The following GLDC variants were observed in gnomAD, a reference collection of about 807,000 sequenced individuals.
GLDC encodes the protein glycine decarboxylase.
In GLDC, 104 loss-of-function variants were observed where a neutral mutation model predicts 121.3. The observed-to-expected ratio is 0.86, with a 90% CI of 0.73 to 1.01. The LOEUF (loss-of-function observed/expected upper bound fraction) is 1.01. Among genes scored for constraint, GLDC ranks in the 50% least tolerant of loss-of-function variants. The pLI, the probability that GLDC is intolerant of heterozygous loss-of-function variation, is 0.00. For missense variants in GLDC, 1,429 were observed against 1,306.6 expected, an observed-to-expected ratio of 1.09 and a Z score of -1.44; for synonymous variants, 546 against 480.6, an observed-to-expected ratio of 1.14 and a Z score of -1.78.
At chr9:6,639,000 C>G in intron 2 of GLDC, 1 of 432,600 alleles carries the variant, frequency 2.3e-6, no homozygotes, top group South Asian at 2.1e-5. Flanking sequence ...CAGAGCGAGA[C>G]TCTGTCTCAG....
chr9:6,609,980 C>A (rs1818817544), intron 4 of GLDC, among the ~76,000 whole-genome samples: 1 of 152,148 alleles, frequency 6.6e-6, no homozygotes, highest in African/African-American at 2.4e-5. Flanking sequence ...TTCCCCAACC[C>A]CAACCAAAAT....
intron 15 of GLDC, among the ~76,000 whole-genome samples, chr9:6,586,475 A>G (rs1195954862): frequency 6.6e-6 from 1 of 152,154 alleles, no homozygotes; most frequent in Non-Finnish European, 1.5e-5. Flanking sequence ...TTTCCTTTAC[A>G]AAGAAATTGA....
intron 2 of GLDC, among the ~76,000 whole-genome samples, chr9:6,621,827 C>CT (rs916217155): frequency 8.5e-5 from 13 of 152,080 alleles, no homozygotes; most frequent in African/African-American, 3.1e-4. Context: ...CTGAAGGGTA[C>CT]TTTTTAGATA....
chr9:6,613,253 T>C (rs1818897611), intron 3 of GLDC, among the ~76,000 whole-genome samples: 1 of 152,206 alleles, frequency 6.6e-6, no homozygotes, highest in Non-Finnish European at 1.5e-5. Context: ...TCACTTAATT[T>C]CCAAACTTTA....
At position 6,588,642 on chromosome 9, in the gene GLDC, G is replaced by A; in HGVS notation, c.1641C>T (p.Ser547=). The A allele has an allele frequency of 6.8e-6, 11 of 1,612,504 alleles. No homozygotes were observed. The highest frequency in any genetic ancestry group is 1.7e-5 in the Admixed American group (1 of 60,000). The change falls in exon 13 of 25, where the codon TCC becomes TCT. Residue 547 remains serine, a synonymous_variant. Transcript: ENST00000321612. ...YMKKLENKDI[S]LVHSMIPLGS... ...CCAGTGGAATCATGCTGTGAACAAG[G>A]GAAATGTCTTTATTTTCCAGTTTCT...
chr9:6,572,261 C>G (rs1817982683), intron 15 of GLDC, among the ~76,000 whole-genome samples: 1 of 152,296 alleles, frequency 6.6e-6, no homozygotes, highest in African/African-American at 2.4e-5. Flanking sequence ...TATCTGCAAA[C>G]TACCATAGCC....
At chr9:6,630,418 G>A (rs1220119236) in intron 2 of GLDC, among the ~76,000 whole-genome samples, 1 of 152,034 alleles carries the variant, frequency 6.6e-6, no homozygotes, top group Non-Finnish European at 1.5e-5. Context: ...AGCCAGCAGC[G>A]CCTCACACAC....
intron 12 of GLDC, 85 bp from the exon 13 acceptor site, chr9:6,588,787 A>G: frequency 1.2e-6 from 1 of 847,252 alleles, no homozygotes; most frequent in Non-Finnish European, 2.1e-6. Context: ...ACACACCGAA[A>G]TCTACTTTCA....
intron 15 of GLDC, among the ~76,000 whole-genome samples, chr9:6,583,418 T>G (rs570819515): frequency 6.6e-6 from 1 of 152,330 alleles, no homozygotes; most frequent in African/African-American, 2.4e-5. Context: ...ATCATGCTTG[T>G]AATCCCAGGA....
In GLDC at chr9:6,533,178, T is replaced by C. The variant is rs775143393; in HGVS notation, c.2920-18A>G. ...ACGAAGGGCTGCAAAGGACAAAAGA[T>C]GGAAATGCTGTGAGATGTTCTGGGA... On this transcript the variant is annotated intron_variant, in intron 24 of 24. Transcript: ENST00000321612. 3.7e-6 allele frequency: 6 copies of C among 1,612,450 alleles called. No homozygotes were observed. Among genetic ancestry groups the C allele is most frequent in the South Asian group, 2.2e-5 (2 of 91,046 alleles).
At chr9:6,637,497 T>C (rs767601794) in intron 2 of GLDC, among the ~76,000 whole-genome samples, 2 of 152,134 alleles carry the variant, frequency 1.3e-5, no homozygotes, top group Non-Finnish European at 2.9e-5. Context: ...TCGCCCAGGC[T>C]GGTGTGCAGT....
At chr9:6,614,032 C>A (rs576184930) in intron 3 of GLDC, among the ~76,000 whole-genome samples, 1 of 151,646 alleles carries the variant, frequency 6.6e-6, no homozygotes, top group African/African-American at 2.4e-5. Flanking sequence ...CCACCCTGGC[C>A]TCCCAAAGTG....
At chr9:6,609,840 C>A (rs1392257933) in intron 4 of GLDC, among the ~76,000 whole-genome samples, 1 of 152,138 alleles carries the variant, frequency 6.6e-6, no homozygotes, top group East Asian at 1.9e-4. Context: ...TTGGCTGCTT[C>A]CCCAAGCCAG....
chr9:6,569,809 C>T (rs1190775072), intron 15 of GLDC, among the ~76,000 whole-genome samples: 1 of 152,030 alleles, frequency 6.6e-6, no homozygotes, highest in Admixed American at 6.6e-5. Flanking sequence ...AACCCTGTCT[C>T]TACTAAAAAT....
chr9:6,643,367 G>C (rs914216006), intron 2 of GLDC, among the ~76,000 whole-genome samples: 1 of 151,280 alleles, frequency 6.6e-6, no homozygotes. Flanking sequence ...GAAGCAGATA[G>C]GCTCCATACC....
At chr9:6,560,502 T>C (rs1381220066) in intron 16 of GLDC, among the ~76,000 whole-genome samples, 1 of 152,232 alleles carries the variant, frequency 6.6e-6, no homozygotes, top group Non-Finnish European at 1.5e-5. Context: ...TTGTAGTTAA[T>C]TTTTTTCTTT....
chr9:6,587,094 T>C (rs1262966828), intron 15 of GLDC, 47 bp downstream of exon 15: 2 of 1,507,068 alleles, frequency 1.3e-6, no homozygotes, highest in Non-Finnish European at 9.2e-7. Context: ...TGGTGTATGC[T>C]ATACAAGAAT....
intron 5 of GLDC, chr9:6,605,728 GGTGGTATGGGTA>G: frequency 3.8e-6 from 1 of 259,766 alleles, no homozygotes; most frequent in South Asian, 4.9e-5. Flanking sequence ...CTGAAGGGAT[GGTGGTATGGGTA>G]GGGGGAAGAA....
intron 3 of GLDC, among the ~76,000 whole-genome samples, chr9:6,612,414 A>G (rs1219529071): frequency 2.6e-5 from 4 of 152,062 alleles, no homozygotes; most frequent in African/African-American, 7.3e-5. Flanking sequence ...GCTTTCAAAA[A>G]AGAAAGAAAG....
Sources: allele counts gnomAD v4.1 joint callset (sites outside exome capture counted in the v4.1 genomes callset), GRCh38; gene constraint gnomAD v4.1.1; transcripts MANE v1.5; gene names NCBI Gene and HGNC (gene_info 2026-07-23, HGNC 2026-07-21).